GRID2: variants seen among roughly 807,000 people sequenced by gnomAD.
The protein encoded by GRID2 is glutamate receptor ionotropic, delta-2.
GRID2 carries 33 observed loss-of-function variants against 114.8 expected under a neutral mutation model. That is an observed-to-expected ratio of 0.29 (90% confidence interval 0.22 to 0.38). The LOEUF (loss-of-function observed/expected upper bound fraction) is 0.38. GRID2 is among the 10% of genes least tolerant of loss of function. The pLI is 1.00. For missense variants in GRID2, 1,184 were observed against 1,257.7 expected (o/e 0.94, Z 0.89); for synonymous variants, 505 against 449.9 (o/e 1.12, Z -1.55).
chr4:92,845,053 T>G (rs1488400863), intron 2 of GRID2, among the ~76,000 whole-genome samples: 1 of 151,740 alleles, frequency 6.6e-6, no homozygotes, highest in African/African-American at 2.4e-5. Context: ...TCTAATGACA[T>G]CAGTACAAAT....
At chr4:92,860,758 G>A (rs1401491112) in intron 2 of GRID2, among the ~76,000 whole-genome samples, 1 of 152,002 alleles carries the variant, frequency 6.6e-6, no homozygotes, top group Non-Finnish European at 1.5e-5. Context: ...TGTTATGACT[G>A]CCATTTCGCC....
chr4:92,912,121 G>T (rs1748429391), intron 2 of GRID2, among the ~76,000 whole-genome samples: 1 of 151,676 alleles, frequency 6.6e-6, no homozygotes. Context: ...ACACTTTCTT[G>T]AAGAAGTTTT....
intron 4 of GRID2, among the ~76,000 whole-genome samples, chr4:93,199,183 C>T (rs1306443556): frequency 5.3e-5 from 8 of 152,210 alleles, no homozygotes; most frequent in South Asian, 2.1e-4. Context: ...CCACAGCAAA[C>T]GCCCAGGAAA....
intron 1 of GRID2, among the ~76,000 whole-genome samples, chr4:92,491,308 C>A (rs1388373510): frequency 6.6e-6 from 1 of 152,098 alleles, no homozygotes; most frequent in Non-Finnish European, 1.5e-5. Context: ...ATAATATCAG[C>A]TATGCTTCCA....
chr4:93,105,994 G>T (rs139219703), intron 3 of GRID2, among the ~76,000 whole-genome samples: 71 of 152,110 alleles, frequency 4.7e-4, no homozygotes, highest in African/African-American at 1.7e-3. Flanking sequence ...CCTACCACAA[G>T]TTCCTTTATA....
At chr4:92,327,524 T>A (rs2110137374) in intron 1 of GRID2, among the ~76,000 whole-genome samples, 1 of 152,084 alleles carries the variant, frequency 6.6e-6, no homozygotes, top group South Asian at 2.1e-4. Flanking sequence ...GAGATAAGAG[T>A]GCTTAGTTAG....
chr4:93,667,753 G>T (rs1225758455), intron 14 of GRID2, among the ~76,000 whole-genome samples: 1 of 151,942 alleles, frequency 6.6e-6, no homozygotes, highest in African/African-American at 2.4e-5. Flanking sequence ...AATATTATAG[G>T]AGTGTTTATC....
chr4:93,726,127 G>T (rs553689526), intron 14 of GRID2, among the ~76,000 whole-genome samples: 3 of 152,176 alleles, frequency 2.0e-5, no homozygotes, highest in Non-Finnish European at 2.9e-5. Context: ...GGTCTAACAT[G>T]TAAGTCTTTA....
intron 2 of GRID2, among the ~76,000 whole-genome samples, chr4:92,897,246 C>T (rs1747237771): frequency 6.6e-6 from 1 of 152,026 alleles, no homozygotes; most frequent in Non-Finnish European, 1.5e-5. Context: ...TCTGTTTTCC[C>T]CAAACAAATT....
intron 1 of GRID2, among the ~76,000 whole-genome samples, chr4:92,357,947 A>G (rs1286357554): frequency 1.3e-5 from 2 of 151,996 alleles, no homozygotes; most frequent in African/African-American, 4.8e-5. Context: ...GTTATAGACA[A>G]AGTATTAGAT....
At chr4:93,563,244 G>A (rs955100106) in intron 13 of GRID2, among the ~76,000 whole-genome samples, 1 of 151,906 alleles carries the variant, frequency 6.6e-6, no homozygotes, top group African/African-American at 2.4e-5. Context: ...CTAAACATCT[G>A]TTGAGTTTTT....
intron 4 of GRID2, among the ~76,000 whole-genome samples, chr4:93,167,751 A>G (rs889894724): frequency 6.6e-6 from 1 of 151,452 alleles, no homozygotes; most frequent in Non-Finnish European, 1.5e-5. Context: ...TGAAAACTTG[A>G]TGATATTAAG....
At chr4:93,097,388 A>T (rs1183367840) in intron 3 of GRID2, among the ~76,000 whole-genome samples, 1 of 151,998 alleles carries the variant, frequency 6.6e-6, no homozygotes. Context: ...ATAATTTTAA[A>T]CTAAACACAT....
chr4:92,350,148 T>C (rs908461864), intron 1 of GRID2, among the ~76,000 whole-genome samples: 2 of 151,942 alleles, frequency 1.3e-5, no homozygotes, highest in East Asian at 1.9e-4. Context: ...ATGTCAGTTG[T>C]TGAAGTCATT....
At chr4:92,760,885 C>CT (rs1282350509) in intron 2 of GRID2, among the ~76,000 whole-genome samples, 8 of 152,198 alleles carry the variant, frequency 5.3e-5, no homozygotes, top group African/African-American at 1.9e-4. Flanking sequence ...TCTAAATGAT[C>CT]ACATTTTGTT....
chr4:92,984,744 T>C (rs1754404767), intron 2 of GRID2, among the ~76,000 whole-genome samples: 1 of 152,116 alleles, frequency 6.6e-6, no homozygotes, highest in Non-Finnish European at 1.5e-5. Flanking sequence ...GTTTGGTCTC[T>C]GGAGTCTCCT....
intron 8 of GRID2, among the ~76,000 whole-genome samples, chr4:93,289,747 C>A (rs1753541090): frequency 6.6e-6 from 1 of 152,058 alleles, no homozygotes; most frequent in Admixed American, 6.6e-5. Context: ...TTCTGTGTGC[C>A]CCACAGTTAG....
intron 2 of GRID2, among the ~76,000 whole-genome samples, chr4:93,081,153 A>T (rs1455461779): frequency 2.0e-5 from 3 of 152,150 alleles, no homozygotes; most frequent in Non-Finnish European, 4.4e-5. Context: ...TAAAGTCCTG[A>T]TGTGTCTTAA....
At chr4:92,940,682 C>G (rs536558345) in intron 2 of GRID2, among the ~76,000 whole-genome samples, 1 of 152,064 alleles carries the variant, frequency 6.6e-6, no homozygotes, top group Non-Finnish European at 1.5e-5. Context: ...TTTGCCCATT[C>G]AGTATGATAT....
Sources: gnomAD v4.1 joint callset for allele counts (sites outside exome capture counted in the v4.1 genomes callset) on GRCh38, gnomAD v4.1.1 for gene constraint, MANE v1.5 for transcripts, NCBI Gene and HGNC (gene_info 2026-07-23, HGNC 2026-07-21) for gene names.